Variants in PAM observed in about 807,000 individuals in gnomAD.
The protein encoded by PAM is peptidylglycine alpha-amidating monooxygenase.
In PAM, 72 loss-of-function variants were observed where a neutral mutation model predicts 122.1. The observed-to-expected ratio is 0.59, with a 90% CI of 0.49 to 0.72. The LOEUF is 0.72. PAM is among the 30% of genes least tolerant of loss of function. PAM has a pLI of 0.00. For missense variants in PAM, 1,106 were observed against 1,183.7 expected, an observed-to-expected ratio of 0.93 and a Z score of 0.96; for synonymous variants, 389 against 404.4, an observed-to-expected ratio of 0.96 and a Z score of 0.46.
intron 1 of PAM, among the ~76,000 whole-genome samples, chr5:102,842,350 T>C (rs1342545420): frequency 6.6e-6 from 1 of 152,074 alleles, no homozygotes; most frequent in African/African-American, 2.4e-5. Flanking sequence ...TGGGAAGTAA[T>C]TGAATTGTGG....
At chr5:102,795,189 CAAAAAAAAAAAAAA>C (rs33988105) in intron 1 of PAM, among the ~76,000 whole-genome samples, 14 of 59,682 alleles carry the variant, frequency 2.3e-4, no homozygotes, top group Admixed American at 1.4e-3. Flanking sequence ...GACAATGTCT[CAAAAAAAAAAAAAA>C]AAAAAAAAAG....
At chr5:102,935,186 G>A (rs192518599) in intron 7 of PAM, among the ~76,000 whole-genome samples, 6 of 151,850 alleles carry the variant, frequency 4.0e-5, no homozygotes, top group Admixed American at 2.6e-4. Context: ...GCTTATGTCT[G>A]CCAACTTTTC....
At chr5:102,940,485 C>CTA (rs146618518) in intron 7 of PAM, among the ~76,000 whole-genome samples, 50,569 of 144,528 alleles carry the variant, frequency 0.35, 8,992 homozygotes, top group East Asian at 0.44. Flanking sequence ...GTATATAATG[C>CTA]TATATATATA....
At position 102,974,161 on chromosome 5, in the gene PAM, ATGT is replaced by A. The variant is rs1201873917; in HGVS notation, c.1213_1215del (p.Val405del). ...TCCAAGCTGCTAGGAGAAAGGGAAG[ATGT>A]TGTTCATGTGCACAAATATAATCCT... On this transcript the variant is annotated inframe_deletion, in exon 15 of 26. Transcript: ENST00000438793. 1.2e-6 allele frequency: 2 copies of A among 1,613,870 alleles called. No homozygotes were observed. Among genetic ancestry groups the A allele is most frequent in the Non-Finnish European group, 8.5e-7 (1 of 1,179,814 alleles).
At chr5:102,961,589 G>A (rs886877782) in intron 14 of PAM, among the ~76,000 whole-genome samples, 1 of 151,538 alleles carries the variant, frequency 6.6e-6, no homozygotes, top group Non-Finnish European at 1.5e-5. Context: ...TATTTTGTAT[G>A]GTATGTTCAT....
chr5:102,914,614 G>A (rs1802556768), intron 5 of PAM, among the ~76,000 whole-genome samples: 1 of 152,060 alleles, frequency 6.6e-6, no homozygotes, highest in Non-Finnish European at 1.5e-5. Flanking sequence ...CACTGTGACT[G>A]GTGATGTAGG....
intron 1 of PAM, among the ~76,000 whole-genome samples, chr5:102,862,954 A>T (rs548696387): frequency 7.9e-4 from 120 of 151,928 alleles, no homozygotes; most frequent in African/African-American, 2.7e-3. Flanking sequence ...TAATATATTT[A>T]TTTGGCTCTT....
intron 15 of PAM, among the ~76,000 whole-genome samples, chr5:102,989,478 G>T (rs1057076414): frequency 6.6e-6 from 1 of 152,134 alleles, no homozygotes; most frequent in Non-Finnish European, 1.5e-5. Context: ...CTGCATTCCA[G>T]CCTGGGTGAC....
intron 1 of PAM, among the ~76,000 whole-genome samples, chr5:102,858,756 C>A (rs1455579602): frequency 6.6e-6 from 1 of 152,168 alleles, no homozygotes; most frequent in Non-Finnish European, 1.5e-5. Flanking sequence ...AGACAATGAA[C>A]TCCACCTTTT....
At chr5:102,907,591 G>C (rs533775234) in intron 4 of PAM, among the ~76,000 whole-genome samples, 3 of 150,678 alleles carry the variant, frequency 2.0e-5, no homozygotes, top group East Asian at 4.0e-4. Context: ...CCCACCAACA[G>C]TGTAAAAGTG....
chr5:102,875,582 CT>C (rs1178253134), intron 3 of PAM, among the ~76,000 whole-genome samples: 1 of 152,162 alleles, frequency 6.6e-6, no homozygotes, highest in East Asian at 1.9e-4. Flanking sequence ...GCAAGATATT[CT>C]TGGTCACTTG....
chr5:102,826,270 T>C (rs1773569836), intron 1 of PAM, among the ~76,000 whole-genome samples: 1 of 152,226 alleles, frequency 6.6e-6, no homozygotes, highest in Non-Finnish European at 1.5e-5. Flanking sequence ...TTTTAATCTA[T>C]GTATTTATGT....
intron 1 of PAM, among the ~76,000 whole-genome samples, chr5:102,851,638 G>A (rs10515335): frequency 0.11 from 17,221 of 152,096 alleles, 2,306 homozygotes; most frequent in African/African-American, 0.32. Flanking sequence ...TGAGACAATT[G>A]CAAAGTTTTA....
chr5:103,000,793 C>T (rs947398522), intron 16 of PAM, among the ~76,000 whole-genome samples: 1 of 152,068 alleles, frequency 6.6e-6, no homozygotes, highest in Admixed American at 6.6e-5. Flanking sequence ...TGAGAACTCA[C>T]TATCATGAGA....
At chr5:102,804,488 C>A (rs1179925534) in intron 1 of PAM, among the ~76,000 whole-genome samples, 1 of 152,034 alleles carries the variant, frequency 6.6e-6, no homozygotes, top group Non-Finnish European at 1.5e-5. Context: ...GAGTTACAAC[C>A]CTTTTGTCAT....
intron 4 of PAM, 92 bp from the exon 5 acceptor site, chr5:102,913,842 A>G (rs6876278): frequency 0.29 from 205,963 of 711,944 alleles, 31,451 homozygotes; most frequent in East Asian, 0.43. Flanking sequence ...TTTGTTATAC[A>G]GGTATTTGAA....
chr5:102,898,896 C>G (rs1203474780), intron 3 of PAM, among the ~76,000 whole-genome samples: 1 of 151,628 alleles, frequency 6.6e-6, no homozygotes, highest in East Asian at 1.9e-4. Flanking sequence ...TAACTGCAAA[C>G]AAATTACTTA....
intron 3 of PAM, among the ~76,000 whole-genome samples, chr5:102,883,894 C>T (rs956650123): frequency 9.9e-5 from 15 of 151,778 alleles, no homozygotes; most frequent in African/African-American, 3.6e-4. Flanking sequence ...CCCTTCTATG[C>T]CAATTATGCT....
intron 1 of PAM, among the ~76,000 whole-genome samples, chr5:102,771,932 A>C (rs1423103234): frequency 6.6e-6 from 1 of 152,146 alleles, no homozygotes; most frequent in Non-Finnish European, 1.5e-5. Flanking sequence ...AGACATCAGA[A>C]TCATAATAAT....
Sources: allele counts gnomAD v4.1 joint callset (sites outside exome capture counted in the v4.1 genomes callset), GRCh38; gene constraint gnomAD v4.1.1; transcripts MANE v1.5; gene names NCBI Gene and HGNC (gene_info 2026-07-23, HGNC 2026-07-21).